The following KIFC3 variants were observed in gnomAD, a reference collection of about 807,000 sequenced individuals.
KIFC3 encodes the protein kinesin-like protein KIFC3.
KIFC3 carries 60 observed loss-of-function variants against 101.8 expected under a neutral mutation model. The ratio of observed to expected loss-of-function variants is 0.59; its 90% CI spans 0.48 to 0.73. The LOEUF (loss-of-function observed/expected upper bound fraction) is 0.73. Among genes scored for constraint, KIFC3 ranks in the 30% least tolerant of loss-of-function variants. The pLI is 0.00. For synonymous variants in KIFC3, 476 were observed against 482.7 expected, an observed-to-expected ratio of 0.99 and a Z score of 0.18; for missense variants, 966 against 1,137.1, an observed-to-expected ratio of 0.85 and a Z score of 2.16.
chr16:57,800,384 G>A (rs909508907), intron 1 of KIFC3, among the ~76,000 whole-genome samples: 2 of 152,216 alleles, frequency 1.3e-5, no homozygotes, highest in African/African-American at 2.4e-5. Context: ...GACCAGTGTG[G>A]CGTGGAAGAA....
At chr16:57,827,922 T>C (rs1347697832) in intron 1 of KIFC3, among the ~76,000 whole-genome samples, 2 of 152,304 alleles carry the variant, frequency 1.3e-5, no homozygotes, top group African/African-American at 4.8e-5. Context: ...GCCTCTGAGG[T>C]ATGTTCACTT....
In KIFC3 at chr16:57,771,586, C is replaced by A. The variant is rs782139227; in HGVS notation, c.482G>T (p.Arg161Leu). 1 of 1,613,368 alleles carries A rather than the reference C, an allele frequency of 6.2e-7. No homozygotes were observed. The highest frequency in any genetic ancestry group is 8.5e-7 in the Non-Finnish European group (1 of 1,180,030). Residue 161 changes from arginine (R) to leucine (L), a missense_variant, in exon 5 of 20, where the codon CGC (arginine) becomes CTC (leucine). Physicochemically the swap from Arg to Leu is moderately radical, Grantham distance 102 (BLOSUM62 -2). This residue lies in a region of KIFC3 where 277 missense variants were observed against 252.5 expected (regional missense o/e 1.10). Coordinates refer to ENST00000445690, the MANE Select transcript of KIFC3 (RefSeq NM_001130100.2). ...TGGGCAGGGACCTGCTGGCTTTGTG[C>A]GCAGCTCTTGCAGCTCGGCCTCACA... ...RRCEAELQELRTKPAGPCPGC... is the reference protein window; with the variant it reads ...RRCEAELQELLTKPAGPCPGC...
chr16:57,779,912 C>A (rs2052525311), intron 3 of KIFC3: 1 of 152,206 alleles, frequency 6.6e-6, no homozygotes, highest in Non-Finnish European at 1.5e-5. Context: ...AGGAAACTTA[C>A]AATCCTGGCA....
intron 3 of KIFC3, among the ~76,000 whole-genome samples, chr16:57,783,168 T>C (rs554670069): frequency 6.6e-6 from 1 of 152,298 alleles, no homozygotes; most frequent in South Asian, 2.1e-4. Context: ...AAAAAGTGTT[T>C]TCAAAAACCT....
At chr16:57,782,149 T>G in intron 3 of KIFC3, 1 of 985,372 alleles carries the variant, frequency 1.0e-6, no homozygotes, top group Non-Finnish European at 1.2e-6. Flanking sequence ...CAGCTCACGA[T>G]GCACCACACA....
upstream of KIFC3, chr16:57,803,459 A>C (rs1036237719): frequency 8.6e-6 from 4 of 467,554 alleles, no homozygotes; most frequent in Admixed American, 7.0e-5. Context: ...TCTGCAGATA[A>C]TCCCAGGAGG....
chr16:57,790,078 C>CTTT lies in KIFC3; in HGVS notation c.315+4918_315+4920dup, dbSNP rs782291808. 1.5e-4 allele frequency among the ~76,000 whole-genome samples: 14 copies of CTTT among 94,094 alleles called. 1 individual carries two copies. The highest frequency in any genetic ancestry group is 5.1e-4 in the African/African-American group (12 of 23,650). The allele number at this position is 94,094 out of a possible 152,430, so 61.7% of individuals were successfully genotyped here. A position where few individuals can be genotyped will look rare whatever the true frequency, so the allele number is the denominator to read the frequency against. ...TTTTTCTTTCTTTCTTTCTTTCTTT[C>CTTT]TTTTTTTTTTTTTTTTTTAAAGACA... On this transcript the variant is annotated intron_variant, in intron 3 of 19. Transcript: ENST00000445690.
At position 57,786,827 on chromosome 16, in the gene KIFC3, G is replaced by A. The variant is rs145167071; in HGVS notation, c.315+8172C>T. Among the ~76,000 whole-genome samples the A allele has an allele frequency of 6.1e-3, 925 of 152,320 alleles. 11 individuals are homozygous for A. The highest frequency in any genetic ancestry group is 0.022 in the African/African-American group (896 of 41,570). On this transcript the variant is annotated intron_variant, in intron 3 of 19. Coordinates refer to ENST00000445690, the MANE Select transcript of KIFC3 (RefSeq NM_001130100.2). The stretch of plus-strand genomic sequence containing the variant: ...AACGGACTCAGCTGGACAGGGAAGT[G>A]GGGAGGGTGCAGCTTGCAGCTGGGC...
intron 3 of KIFC3, chr16:57,775,245 G>A: frequency 7.6e-7 from 1 of 1,314,474 alleles, no homozygotes; most frequent in Non-Finnish European, 9.7e-7. Flanking sequence ...AGGGAGTTGA[G>A]GAAGGGGCTC....
chr16:57,851,925 G>A (rs1175066918), intron 1 of KIFC3, among the ~76,000 whole-genome samples: 1 of 151,948 alleles, frequency 6.6e-6, no homozygotes, highest in Non-Finnish European at 1.5e-5. Flanking sequence ...ATTTTTAGTA[G>A]AGATGGGGTT....
Position 57,781,686 on chromosome 16 carries a change from C to T in KIFC3, c.316-9398G>A, listed in dbSNP as rs2052754951. 2.0e-5 allele frequency among the ~76,000 whole-genome samples: 3 copies of T among 152,216 alleles called. No homozygotes were observed. In the South Asian group the frequency reaches 6.2e-4, roughly 32 times the overall value. On this transcript the variant is annotated intron_variant, in intron 3 of 19. Transcript: ENST00000445690. Reference sequence around the variant, plus strand: ...GGTCCCAACAGTGATAATGGAGCCCCGTTAACTGAGTTGGCTTTGCCAGTA... The same window carrying T: ...GGTCCCAACAGTGATAATGGAGCCCTGTTAACTGAGTTGGCTTTGCCAGTA...
intron 3 of KIFC3, chr16:57,774,302 AGAG>A (rs2051718530): frequency 6.6e-6 from 1 of 152,236 alleles, no homozygotes; most frequent in South Asian, 2.1e-4. Flanking sequence ...AAGCACCCTT[AGAG>A]GAGTGGGCAG....
At chr16:57,858,091 CAG>C (rs2056218163) in intron 1 of KIFC3, among the ~76,000 whole-genome samples, 1 of 152,152 alleles carries the variant, frequency 6.6e-6, no homozygotes, top group South Asian at 2.1e-4. Flanking sequence ...GCTGGGATTA[CAG>C]GCGTGAGCCA....
intron 1 of KIFC3, among the ~76,000 whole-genome samples, chr16:57,818,049 G>C (rs1555629220): frequency 6.7e-6 from 1 of 150,262 alleles, no homozygotes; most frequent in Non-Finnish European, 1.5e-5. Flanking sequence ...TATGTTTTGA[G>C]ACAGAGTCTC....
intron 9 of KIFC3, among the ~76,000 whole-genome samples, chr16:57,768,906 C>T (rs948488034): frequency 3.1e-4 from 47 of 152,272 alleles, no homozygotes; most frequent in Admixed American, 1.3e-3. Context: ...GTGGCTCACA[C>T]CAATAATCTC....
In KIFC3 at chr16:57,758,414, T is replaced by A. The variant is rs2049389983; in HGVS notation, c.*520A>T. 5.5e-6 allele frequency: 2 copies of A among 361,612 alleles called. No individual in the cohort carries two copies. Among genetic ancestry groups the A allele is most frequent in the Non-Finnish European group, 1.1e-5 (2 of 185,066 alleles). The allele number at this position is 361,612 out of a possible 1,614,324, so 22.4% of individuals were successfully genotyped here. A position where few individuals can be genotyped will look rare whatever the true frequency, so the allele number is the denominator to read the frequency against. On this transcript the variant is annotated 3_prime_UTR_variant, in exon 20 of 20. Transcript: ENST00000445690. ...GCCCCGTGGCGGGAGGCCATGCGCC[T>A]CCGCACACCCCCCAGCTGCGGGAAC...
At chr16:57,824,198 G>GA (rs1353599651) in intron 1 of KIFC3, among the ~76,000 whole-genome samples, 2 of 152,200 alleles carry the variant, frequency 1.3e-5, no homozygotes, top group African/African-American at 2.4e-5. Flanking sequence ...TGTAGATGGA[G>GA]ATCTGGGTGC....
intron 3 of KIFC3, chr16:57,779,354 C>T (rs1193328389): frequency 1.3e-5 from 2 of 152,078 alleles, no homozygotes; most frequent in African/African-American, 4.8e-5. Context: ...TGGATGATTC[C>T]ACTTACATGA....
At chr16:57,786,908 A>G (rs987728780) in intron 3 of KIFC3, among the ~76,000 whole-genome samples, 5 of 152,040 alleles carry the variant, frequency 3.3e-5, no homozygotes, top group African/African-American at 7.2e-5. Context: ...GGCCCCCCCA[A>G]CCCGCTCTAG....
Sources: allele counts gnomAD v4.1 joint callset (sites outside exome capture counted in the v4.1 genomes callset), GRCh38; gene constraint gnomAD v4.1.1; regional missense constraint gnomAD v4.1.1; transcripts MANE v1.5; gene names NCBI Gene and HGNC (gene_info 2026-07-23, HGNC 2026-07-21).